The following ZNF248 variants were observed in gnomAD, a reference collection of about 807,000 sequenced individuals.
The protein encoded by ZNF248 is KRAB protein domain.
ZNF248 carries 20 observed loss-of-function variants against 44.3 expected under a neutral mutation model. The observed-to-expected ratio is 0.45, with a 90% CI of 0.32 to 0.66. The LOEUF is 0.66. Ranked by LOEUF, ZNF248 falls within the 30% of genes least tolerant of loss-of-function variation. The pLI, the probability that ZNF248 is intolerant of heterozygous loss-of-function variation, is 0.04. For synonymous variants in ZNF248, 224 were observed against 229.0 expected (o/e 0.98, Z 0.20); for missense variants, 654 against 677.0 (o/e 0.97, Z 0.38).
At chr10:37,843,925 C>A (rs1378164025) in intron 3 of ZNF248, among the ~76,000 whole-genome samples, 5 of 151,984 alleles carry the variant, frequency 3.3e-5, no homozygotes, top group Admixed American at 3.3e-4. Context: ...CTGTGGGACA[C>A]CTTTGAGTGG....
chr10:37,844,365 G>C (rs1256028367), intron 3 of ZNF248, among the ~76,000 whole-genome samples: 1 of 152,066 alleles, frequency 6.6e-6, no homozygotes, highest in East Asian at 1.9e-4. Context: ...CTAAATGGAA[G>C]GTTGAAATTA....
chr10:37,795,639 A>G (rs1290306979), intron 6 of ZNF248: 5 of 152,180 alleles, frequency 3.3e-5, no homozygotes. Context: ...TTTTGATTGT[A>G]TTCATGAGGT....
intron 6 of ZNF248, among the ~76,000 whole-genome samples, chr10:37,822,085 C>A (rs913114357): frequency 6.6e-6 from 1 of 152,176 alleles, no homozygotes; most frequent in African/African-American, 2.4e-5. Context: ...CATCACATTG[C>A]TGAATTTAGT....
downstream of ZNF248, among the ~76,000 whole-genome samples, chr10:37,824,657 CAAAAAA>C (rs1290121106): frequency 8.7e-6 from 1 of 114,820 alleles, no homozygotes; most frequent in African/African-American, 3.5e-5. Context: ...ATTGCAGAGG[CAAAAAA>C]TTATTTTAAA....
chr10:37,854,587 G>A (rs2060937831), intron 3 of ZNF248, among the ~76,000 whole-genome samples: 1 of 152,200 alleles, frequency 6.6e-6, no homozygotes, highest in African/African-American at 2.4e-5. Flanking sequence ...TATGGGAGGA[G>A]CTGTGAAGAA....
At chr10:37,768,356 A>T in the ZNF248 span, among the ~76,000 whole-genome samples, 1 of 152,334 alleles carries the variant, frequency 6.6e-6, no homozygotes, top group African/African-American at 2.4e-5. Flanking sequence ...TCCAAAATTG[A>T]CCACATACTT....
chr10:37,808,285 T>C (rs1316561791), intron 6 of ZNF248, among the ~76,000 whole-genome samples: 4 of 151,132 alleles, frequency 2.6e-5, no homozygotes, highest in Admixed American at 6.6e-5. Context: ...TTTCTTTTTT[T>C]TTTTTTTTCT....
Position 37,837,717 on chromosome 10 carries a change from T to A in ZNF248, c.143-5A>T. On this transcript the variant is annotated splice_region_variant and splice_polypyrimidine_tract_variant and intron_variant, in intron 4 of 5. Coordinates refer to ENST00000395867, the MANE Select transcript of ZNF248 (RefSeq NM_021045.3). The stretch of plus-strand genomic sequence containing the variant: ...CTGGTTTAGTAATGCAATACCCTGT[T>A]AAGAGAAAATACCACAGGACTAGAG... 6.2e-7 allele frequency: 1 copy of A among 1,612,802 alleles called. No homozygotes were observed. Among genetic ancestry groups the A allele is most frequent in the Admixed American group, 1.7e-5 (1 of 59,898 alleles).
At chr10:37,761,929 T>A in the ZNF248 span, among the ~76,000 whole-genome samples, 1 of 152,220 alleles carries the variant, frequency 6.6e-6, no homozygotes, top group Non-Finnish European at 1.5e-5. Flanking sequence ...AGTTTTGTGT[T>A]CTGCTATTGT....
At chr10:37,762,394 A>G in the ZNF248 span, among the ~76,000 whole-genome samples, 9,108 of 152,258 alleles carry the variant, frequency 0.06, 349 homozygotes, top group Middle Eastern at 0.095. Flanking sequence ...TATGTTCAAG[A>G]ATTTGCCCCA....
intron 6 of ZNF248, among the ~76,000 whole-genome samples, chr10:37,809,724 TG>T (rs1239599546): frequency 6.6e-6 from 1 of 152,226 alleles, no homozygotes; most frequent in Non-Finnish European, 1.5e-5. Context: ...CTGTATGTTT[TG>T]TTTCTGTTTT....
At chr10:37,764,188 T>G in the ZNF248 span, among the ~76,000 whole-genome samples, 1 of 152,186 alleles carries the variant, frequency 6.6e-6, no homozygotes, top group Non-Finnish European at 1.5e-5. Flanking sequence ...AATGCATTCC[T>G]AGGGGGAGGT....
At chr10:37,839,985 C>T (rs1242534599) in intron 3 of ZNF248, among the ~76,000 whole-genome samples, 1 of 152,162 alleles carries the variant, frequency 6.6e-6, no homozygotes. Flanking sequence ...AACACATGTT[C>T]TCAGACTACA....
intron 6 of ZNF248, chr10:37,819,643 C>T (rs772048450): frequency 3.7e-5 from 30 of 807,840 alleles, no homozygotes; most frequent in Non-Finnish European, 6.1e-5. Flanking sequence ...GCCTTTCCAG[C>T]TCTGCCTGGA....
chr10:37,856,088 A>G (rs750173448), intron 3 of ZNF248, among the ~76,000 whole-genome samples: 3 of 152,240 alleles, frequency 2.0e-5, no homozygotes, highest in African/African-American at 7.2e-5. Flanking sequence ...ATTAGAGATA[A>G]TATTACAATA....
chr10:37,818,542 C>T (rs2052922258), intron 6 of ZNF248: 2 of 327,960 alleles, frequency 6.1e-6, no homozygotes, highest in Admixed American at 3.5e-5. Context: ...TCCAAACCTG[C>T]TGCTAAATGC....
downstream of ZNF248, among the ~76,000 whole-genome samples, chr10:37,825,616 T>C (rs1020535038): frequency 6.6e-6 from 1 of 152,260 alleles, no homozygotes; most frequent in Non-Finnish European, 1.5e-5. Context: ...ATTTTTTGTA[T>C]TTTCTGTAGA....
chr10:37,824,958 GAT>G (rs2054140150), downstream of ZNF248, among the ~76,000 whole-genome samples: 1 of 150,502 alleles, frequency 6.6e-6, no homozygotes, highest in African/African-American at 2.4e-5. Flanking sequence ...AAAGTGCTGG[GAT>G]TACAGACGTG....
In ZNF248 at chr10:37,831,987, T is replaced by C. The variant is rs747591675; in HGVS notation, c.1368A>G (p.Arg456=). ...CATAGGGCTTCTCCCCTGTGTGTGT[T>C]CTCTGATGTTCAGTGAGGTTTGACT... ...CVKSNLTEHQ[R]THTGEKPYEC... The change falls in exon 6 of 6, where the codon AGA becomes AGG. Residue 456 remains arginine, a synonymous_variant. Coordinates refer to ENST00000395867, the MANE Select transcript of ZNF248 (RefSeq NM_021045.3). 64 of 1,613,982 alleles carry C rather than the reference T, an allele frequency of 4.0e-5. No individual in the cohort carries two copies. Among genetic ancestry groups the C allele is most frequent in the Non-Finnish European group, 5.1e-5 (60 of 1,179,936 alleles).
Sources: allele counts gnomAD v4.1 joint callset (sites outside exome capture counted in the v4.1 genomes callset), GRCh38; gene constraint gnomAD v4.1.1; transcripts MANE v1.5; gene names NCBI Gene and HGNC (gene_info 2026-07-23, HGNC 2026-07-21).